Variants in CDX1 observed in about 807,000 individuals in gnomAD.
CDX1 encodes caudal type homeobox 1, also known as homeobox protein CDX-1.
A neutral mutation model predicts 16.9 loss-of-function variants in CDX1; 9 were observed. The observed-to-expected ratio is 0.53, with a 90% confidence interval of 0.32 to 0.93. CDX1 has a LOEUF of 0.93. Ranked by LOEUF, CDX1 falls within the 40% of genes least tolerant of loss-of-function variation. The pLI is 0.04. For missense variants in CDX1, 393 were observed against 386.1 expected, an observed-to-expected ratio of 1.02 and a Z score of -0.15; for synonymous variants, 179 against 179.0, an observed-to-expected ratio of 1.00 and a Z score of 0.00.
chr5:150,183,930 G>A lies in CDX1; in HGVS notation c.*250G>A, dbSNP rs916244675. On this transcript the variant is annotated 3_prime_UTR_variant, in exon 3 of 3. Coordinates refer to ENST00000231656, the MANE Select transcript of CDX1 (RefSeq NM_001804.3). ...CCAGGGTGGATGATCTCAATCTCCC[G>A]TGGGCATCTCAAGCCCCAAATGGTT... 4.8e-5 allele frequency: 17 copies of A among 351,580 alleles called. No individual in the cohort carries two copies. The highest frequency in any genetic ancestry group is 1.5e-4 in the South Asian group (1 of 6,870). 21.8% of individuals were successfully genotyped at this position (351,580 alleles called of 1,614,324 possible).
intron 1 of CDX1, among the ~76,000 whole-genome samples, chr5:150,179,670 G>A (rs1761615497): frequency 6.6e-6 from 1 of 152,210 alleles, no homozygotes; most frequent in Non-Finnish European, 1.5e-5. Context: ...GGTCTGGGTG[G>A]GCAGGGAGCC....
At chr5:150,173,004 T>C (rs1328660094) in intron 1 of CDX1, among the ~76,000 whole-genome samples, 1 of 152,166 alleles carries the variant, frequency 6.6e-6, no homozygotes, top group African/African-American at 2.4e-5. Flanking sequence ...GCCGTCACCA[T>C]GTTAGCATGC....
In CDX1 at chr5:150,166,929, C is replaced by A; in HGVS notation, c.53C>A (p.Ala18Asp). Reference protein sequence around the residue: ...DKDSPVYPGPARPASLGLGPQ... With the variant: ...DKDSPVYPGPDRPASLGLGPQ... ...GATTCGCCCGTGTACCCCGGCCCAG[C>A]CAGGCCAGCCAGCCTCGGCCTGGGC... The change falls in exon 1 of 3, where the codon GCC becomes GAC. Residue 18 changes from alanine (A) to aspartate (D), a missense_variant. Ala to Asp is a moderately radical substitution (Grantham distance 126). Coordinates refer to ENST00000231656, the MANE Select transcript of CDX1 (RefSeq NM_001804.3). 1 of 1,506,154 alleles carries A rather than the reference C, an allele frequency of 6.6e-7. No individual in the cohort carries two copies. The allele number at this position is 1,506,154 out of a possible 1,614,324, so 93.3% of individuals were successfully genotyped here.
chr5:150,183,470 A>G lies in CDX1; in HGVS notation c.592-4A>G. 1 of 1,593,996 alleles carries G rather than the reference A, an allele frequency of 6.3e-7. No individual in the cohort carries two copies. Among genetic ancestry groups the G allele is most frequent in the Non-Finnish European group, 8.6e-7 (1 of 1,167,724 alleles). Reference sequence around the variant, plus strand: ...CACTCCATCTCTGTCCTCCAACCCCACAGGTGAAGATCTGGTTCCAAAACC... The same window carrying G: ...CACTCCATCTCTGTCCTCCAACCCCGCAGGTGAAGATCTGGTTCCAAAACC... On this transcript the variant is annotated splice_region_variant and splice_polypyrimidine_tract_variant and intron_variant, in intron 2 of 2. Transcript: ENST00000231656.
chr5:150,167,304 G>C lies in CDX1; in HGVS notation c.428G>C (p.Gly143Ala). 7.9e-7 allele frequency: 1 copy of C among 1,263,652 alleles called. No homozygotes were observed. The highest frequency in any genetic ancestry group is 9.9e-7 in the Non-Finnish European group (1 of 1,010,082). The allele number at this position is 1,263,652 out of a possible 1,614,324, so 78.3% of individuals were successfully genotyped here. ...TGGATGCGGCGCAGCGTGGCGGCCG[G>C]AGGCGGCGGTGGCAGCGGTAAGGAC... ...YEWMRRSVAA[G>A]GGGGSGKTRT... Residue 143 changes from glycine (G) to alanine (A), a missense_variant, in exon 1 of 3, where the codon GGA (glycine) becomes GCA (alanine). Transcript: ENST00000231656.
At chr5:150,177,678 C>T (rs140895018) in intron 1 of CDX1, among the ~76,000 whole-genome samples, 1 of 152,274 alleles carries the variant, frequency 6.6e-6, no homozygotes, top group East Asian at 1.9e-4. Flanking sequence ...AAGGGCCCAG[C>T]ACATGGATGT....
Position 150,167,047 on chromosome 5 carries a change from C to A in CDX1, c.171C>A (p.Pro57=). 7.0e-7 allele frequency: 1 copy of A among 1,431,790 alleles called. No homozygotes were observed. The highest frequency in any genetic ancestry group is 1.4e-5 in the South Asian group (1 of 70,154). 88.7% of individuals were successfully genotyped at this position (1,431,790 alleles called of 1,614,324 possible). A position where few individuals can be genotyped will look rare whatever the true frequency, so the allele number is the denominator to read the frequency against. Residue 57 remains proline, a synonymous_variant, in exon 1 of 3, where the codon CCC becomes CCA. Transcript: ENST00000231656. ...CTCACGTGGAGCCGGCCCCCGCGCCCCCGACGGCCTGGGGGGCGCCCTTCC... is the reference window on the plus strand; with the variant it reads ...CTCACGTGGAGCCGGCCCCCGCGCCACCGACGGCCTGGGGGGCGCCCTTCC... ...SYSHVEPAPA[P]PTAWGAPFPA... is the part of the protein sequence containing the mutation.
chr5:150,166,968 GC>G lies in CDX1; in HGVS notation c.98del (p.Pro33ArgfsTer166), dbSNP rs1554112938. ...CTCGGCCTGGGCCCGCAAGCCTACG[GC>G]CCCCCGGCCCCGCCCCCGGCGCCCC... The part of the protein sequence containing the change: ...ASLGLGPQAY[G>X]PPAPPPAPPQ... On this transcript the variant is annotated frameshift_variant, in exon 1 of 3. Transcript: ENST00000231656. LOFTEE classifies it high-confidence loss of function. 8.9e-6 allele frequency: 13 copies of G among 1,457,908 alleles called. No individual in the cohort carries two copies. Among genetic ancestry groups the G allele is most frequent in the East Asian group, 3.0e-5 (1 of 33,268 alleles). 90.3% of individuals were successfully genotyped at this position (1,457,908 alleles called of 1,614,324 possible). A position where few individuals can be genotyped will look rare whatever the true frequency, so the allele number is the denominator to read the frequency against.
At chr5:150,169,798 C>T (rs913440486) in intron 1 of CDX1, among the ~76,000 whole-genome samples, 1 of 152,204 alleles carries the variant, frequency 6.6e-6, no homozygotes, top group Non-Finnish European at 1.5e-5. Context: ...CCTTTTGCCC[C>T]ACTTCTGAGC....
rs548976830 is a variant in CDX1, at chr5:150,176,471, C to T, written c.446-6297C>T. On this transcript the variant is annotated intron_variant, in intron 1 of 2. Coordinates refer to ENST00000231656, the MANE Select transcript of CDX1 (RefSeq NM_001804.3). ...TCACAGACACGGGTGAGCTCCCCAT[C>T]GCCTGTTGCTGCATGCAGTGTGGGT... Among the ~76,000 whole-genome samples, 27 of 152,292 alleles carry T rather than the reference C, an allele frequency of 1.8e-4. No individual in the cohort carries two copies. In the South Asian group the frequency reaches 5.2e-3, roughly 29 times the overall value.
intron 1 of CDX1, among the ~76,000 whole-genome samples, chr5:150,175,518 G>T (rs1319635037): frequency 6.6e-6 from 1 of 152,038 alleles, no homozygotes; most frequent in Non-Finnish European, 1.5e-5. Context: ...AAAATGGCTG[G>T]CCTGGCCATT....
intron 1 of CDX1, among the ~76,000 whole-genome samples, chr5:150,181,358 C>T (rs1355595428): frequency 1.3e-5 from 2 of 152,222 alleles, no homozygotes; most frequent in African/African-American, 4.8e-5. Context: ...ACCTCCACCT[C>T]CCAGGTTCAA....
chr5:150,167,288 C>G lies in CDX1; in HGVS notation c.412C>G (p.Arg138Gly). The G allele has an allele frequency of 7.9e-7, 1 of 1,262,852 alleles. No homozygotes were observed. Among genetic ancestry groups the G allele is most frequent in the Non-Finnish European group, 9.9e-7 (1 of 1,009,326 alleles). 78.2% of individuals were successfully genotyped at this position (1,262,852 alleles called of 1,614,324 possible). A position where few individuals can be genotyped will look rare whatever the true frequency, so the allele number is the denominator to read the frequency against. Residue 138 changes from arginine (R) to glycine (G), a missense_variant, in exon 1 of 3, where the codon CGC becomes GGC. By Grantham distance (125) the Arg-to-Gly change is moderately radical (BLOSUM62 -2). Coordinates refer to ENST00000231656, the MANE Select transcript of CDX1 (RefSeq NM_001804.3). ...GCCGACGCCCTACGAGTGGATGCGG[C>G]GCAGCGTGGCGGCCGGAGGCGGCGG... ...QRPTPYEWMR[R>G]SVAAGGGGGS...
chr5:150,171,640 A>G (rs577451670), intron 1 of CDX1, among the ~76,000 whole-genome samples: 136 of 152,258 alleles, frequency 8.9e-4, no homozygotes, highest in South Asian at 2.7e-3. Context: ...CCGGCCTTTT[A>G]TGCCATTTCT....
chr5:150,166,989 C>A lies in CDX1; in HGVS notation c.113C>A (p.Ala38Glu), dbSNP rs868324620. 1.4e-6 allele frequency: 2 copies of A among 1,444,204 alleles called. No homozygotes were observed. Among genetic ancestry groups the A allele is most frequent in the South Asian group, 2.8e-5 (2 of 72,714 alleles). The allele number at this position is 1,444,204 out of a possible 1,614,324, so 89.5% of individuals were successfully genotyped here. ...TACGGCCCCCCGGCCCCGCCCCCGG[C>A]GCCCCCGCAGTACCCCGACTTCTCC... ...QAYGPPAPPP[A>E]PPQYPDFSSY... Residue 38 changes from alanine to glutamate, a missense_variant, in exon 1 of 3, where the codon GCG (alanine) becomes GAG (glutamate). Physicochemically the swap from Ala to Glu is moderately radical, Grantham distance 107. Coordinates refer to ENST00000231656, the MANE Select transcript of CDX1 (RefSeq NM_001804.3).
Position 150,183,501 on chromosome 5 carries a change from G to T in CDX1, c.619G>T (p.Ala207Ser). 2 of 1,608,290 alleles carry T rather than the reference G, an allele frequency of 1.2e-6. No individual in the cohort carries two copies. The highest frequency in any genetic ancestry group is 8.5e-7 in the Non-Finnish European group (1 of 1,176,294). The change falls in exon 3 of 3, where the codon GCA (alanine) becomes TCA (serine). Residue 207 changes from alanine to serine, a missense_variant. Transcript: ENST00000231656. ...QVKIWFQNRR[A>S]KERKVNKKKQ... ...GAAGATCTGGTTCCAAAACCGGCGG[G>T]CAAAGGAGCGCAAAGTGAACAAGAA... is the stretch of plus-strand genomic sequence containing the variant.
intron 1 of CDX1, among the ~76,000 whole-genome samples, chr5:150,180,582 G>A (rs147848954): frequency 2.6e-5 from 4 of 152,248 alleles, no homozygotes; most frequent in Non-Finnish European, 4.4e-5. Context: ...CAGGGCCAGG[G>A]CTGAAACCCA....
chr5:150,166,919 C>A lies in CDX1; in HGVS notation c.43C>A (p.Pro15Thr). ...YVLDKDSPVY[P>T]GPARPASLGL... ...GCTGGACAAGGATTCGCCCGTGTAC[C>A]CCGGCCCAGCCAGGCCAGCCAGCCT... The change falls in exon 1 of 3, where the codon CCC becomes ACC. Residue 15 changes from proline (P) to threonine (T), a missense_variant. Pro to Thr is a conservative substitution (Grantham distance 38). Transcript: ENST00000231656. 2 of 1,513,706 alleles carry A rather than the reference C, an allele frequency of 1.3e-6. No individual in the cohort carries two copies. Among genetic ancestry groups the A allele is most frequent in the Non-Finnish European group, 1.8e-6 (2 of 1,137,748 alleles). The allele number at this position is 1,513,706 out of a possible 1,614,324, so 93.8% of individuals were successfully genotyped here.
chr5:150,181,457 A>T (rs1216914070), intron 1 of CDX1, among the ~76,000 whole-genome samples: 2 of 152,098 alleles, frequency 1.3e-5, no homozygotes, highest in Middle Eastern at 3.4e-3. Context: ...TGTATTTTTT[A>T]GTAGAGATGA....
Sources: gnomAD v4.1 joint callset for allele counts (sites outside exome capture counted in the v4.1 genomes callset) on GRCh38, gnomAD v4.1.1 for gene constraint, MANE v1.5 for transcripts, NCBI Gene and HGNC (gene_info 2026-07-23, HGNC 2026-07-21) for gene names.